Variants in SEMA5A observed in about 807,000 individuals in gnomAD.
SEMA5A encodes semaphorin-5A.
Under a neutral mutation model 135.5 loss-of-function variants are expected in SEMA5A, and 55 were observed. The observed-to-expected ratio is 0.41, with a 90% CI of 0.33 to 0.51. The LOEUF is 0.51. Ranked by LOEUF, SEMA5A falls within the 20% of genes least tolerant of loss-of-function variation. The probability of loss-of-function intolerance (pLI) is 0.37; values close to 1 mark genes in which losing one functional copy is unlikely to be tolerated. For missense variants in SEMA5A, 1,290 were observed against 1,419.9 expected, an observed-to-expected ratio of 0.91 and a Z score of 1.47; for synonymous variants, 580 against 546.5, an observed-to-expected ratio of 1.06 and a Z score of -0.85.
intron 3 of SEMA5A, among the ~76,000 whole-genome samples, chr5:9,361,713 T>C (rs1312187389): frequency 2.0e-5 from 3 of 152,224 alleles, no homozygotes; most frequent in African/African-American, 7.2e-5. Context: ...GTAATTGCTC[T>C]TTACCTATGT....
intron 3 of SEMA5A, among the ~76,000 whole-genome samples, chr5:9,350,621 T>C (rs1000412497): frequency 6.6e-6 from 1 of 152,242 alleles, no homozygotes; most frequent in African/African-American, 2.4e-5. Context: ...TCCATGCTTT[T>C]GTGATCAACC....
At chr5:9,249,100 C>T (rs550032234) in intron 5 of SEMA5A, among the ~76,000 whole-genome samples, 7 of 152,238 alleles carry the variant, frequency 4.6e-5, no homozygotes, top group Middle Eastern at 3.4e-3. Flanking sequence ...GCCCATTGTA[C>T]GAAATTGGAA....
chr5:9,427,822 C>T (rs1428809368), intron 2 of SEMA5A, among the ~76,000 whole-genome samples: 1 of 152,082 alleles, frequency 6.6e-6, no homozygotes, highest in African/African-American at 2.4e-5. Context: ...CCCTAATTTG[C>T]CACAAATTCA....
intron 6 of SEMA5A, among the ~76,000 whole-genome samples, chr5:9,233,473 T>C (rs993607035): frequency 2.6e-5 from 4 of 152,106 alleles, no homozygotes; most frequent in African/African-American, 9.7e-5. Flanking sequence ...CCCACTTTTT[T>C]TCCCCCATGG....
intron 3 of SEMA5A, among the ~76,000 whole-genome samples, chr5:9,350,414 G>T (rs922688886): frequency 6.6e-6 from 1 of 152,188 alleles, no homozygotes; most frequent in African/African-American, 2.4e-5. Flanking sequence ...TTGACTGGCT[G>T]CTGGGAAATA....
At chr5:9,050,389 T>A in intron 21 of SEMA5A, 21 bp downstream of exon 21, 1 of 1,599,288 alleles carries the variant, frequency 6.3e-7, no homozygotes, top group Non-Finnish European at 8.5e-7. Flanking sequence ...CCATTACAAC[T>A]ACTTAAAAGG....
At chr5:9,319,479 C>A (rs1209388670) in intron 4 of SEMA5A, among the ~76,000 whole-genome samples, 1 of 152,082 alleles carries the variant, frequency 6.6e-6, no homozygotes, top group Non-Finnish European at 1.5e-5. Flanking sequence ...TTACACTGGG[C>A]TTTGGACTCT....
chr5:9,437,024 G>A (rs1209459467), intron 2 of SEMA5A, among the ~76,000 whole-genome samples: 1 of 152,196 alleles, frequency 6.6e-6, no homozygotes, highest in Non-Finnish European at 1.5e-5. Flanking sequence ...CTGACCAGGA[G>A]GATCCCTGAG....
rs1479192185 is a variant in SEMA5A at position 9,035,513 on chromosome 5, G to A, written c.*7384C>T. The A allele has an allele frequency of 6.6e-6, 1 of 152,010 alleles. No homozygotes were observed. Among genetic ancestry groups the A allele is most frequent in the Non-Finnish European group, 1.5e-5 (1 of 68,022 alleles). 9.4% of individuals were successfully genotyped at this position (152,010 alleles called of 1,614,324 possible). ...TAATGAGTTTCCAGTTGCCACAATTGGTGTCTTAAGCTGATTTCAGAAAAC... is the reference window on the plus strand; with the variant it reads ...TAATGAGTTTCCAGTTGCCACAATTAGTGTCTTAAGCTGATTTCAGAAAAC... On this transcript the variant is annotated 3_prime_UTR_variant, in exon 23 of 23. Transcript: ENST00000382496.
At chr5:9,068,110 T>C (rs529438593) in intron 16 of SEMA5A, among the ~76,000 whole-genome samples, 2 of 152,352 alleles carry the variant, frequency 1.3e-5, no homozygotes, top group Admixed American at 1.3e-4. Context: ...TCTTTCTCTA[T>C]AGCTTCTGTA....
Position 9,180,820 on chromosome 5 carries a change from A to G in SEMA5A, c.1273+9447T>C, listed in dbSNP as rs142087436. Among the ~76,000 whole-genome samples, 317 of 152,332 alleles carry G rather than the reference A, an allele frequency of 2.1e-3. 6 individuals are homozygous for G. Among genetic ancestry groups the G allele is most frequent in the African/African-American group, 7.2e-3 (298 of 41,582 alleles). On this transcript the variant is annotated intron_variant, in intron 11 of 22. Coordinates refer to ENST00000382496, the MANE Select transcript of SEMA5A (RefSeq NM_003966.3). ...TTGCAGGGAGAAAAGAAAATTAGAAACAGAATTTTAGCATTTGTTGAGCTA... is the reference window on the plus strand; with the variant it reads ...TTGCAGGGAGAAAAGAAAATTAGAAGCAGAATTTTAGCATTTGTTGAGCTA...
rs1755598590 is a variant in SEMA5A, at chr5:9,381,338, G to T, written c.-77-1315C>A. Among the ~76,000 whole-genome samples, 4 of 152,190 alleles carry T rather than the reference G, an allele frequency of 2.6e-5. No homozygotes were observed. The South Asian group carries it at 8.3e-4, about 31-fold the overall frequency. ...CAAACATAGTACACAATAACTGTGG[G>T]TAATGGAAACTACGGCAAATTAGAG... On this transcript the variant is annotated intron_variant, in intron 2 of 22. Coordinates refer to ENST00000382496, the MANE Select transcript of SEMA5A (RefSeq NM_003966.3).
chr5:9,139,897 G>A (rs896825411), intron 12 of SEMA5A, among the ~76,000 whole-genome samples: 14 of 152,164 alleles, frequency 9.2e-5, no homozygotes, highest in Admixed American at 3.9e-4. Flanking sequence ...TTCTTCTAAG[G>A]TATCATTTTT....
chr5:9,053,797 T>A, intron 19 of SEMA5A: 1 of 279,556 alleles, frequency 3.6e-6, no homozygotes, highest in Non-Finnish European at 6.7e-6. Flanking sequence ...TTAGGGAGAT[T>A]GGGTGTTGTA....
chr5:9,462,985 TA>T lies in SEMA5A; in HGVS notation c.-174-25134del, dbSNP rs11422018. On this transcript the variant is annotated intron_variant, in intron 1 of 22. Transcript: ENST00000382496. ...GTATCCCTGAACTTAAAATAAAAGTTAAAAAAAAAAAAAAAGAATTTTCAAG... is the reference window on the plus strand; with the variant it reads ...GTATCCCTGAACTTAAAATAAAAGTTAAAAAAAAAAAAAAGAATTTTCAAG... 6.2e-3 allele frequency among the ~76,000 whole-genome samples: 789 copies of T among 127,038 alleles called. 1 individual carries two copies. Among genetic ancestry groups the T allele is most frequent in the African/African-American group, 9.0e-3 (303 of 33,508 alleles). 83.3% of individuals were successfully genotyped at this position (127,038 alleles called of 152,430 possible). A position where few individuals can be genotyped will look rare whatever the true frequency, so the allele number is the denominator to read the frequency against.
chr5:9,147,258 A>T (rs1452426965), intron 12 of SEMA5A, among the ~76,000 whole-genome samples: 1 of 152,174 alleles, frequency 6.6e-6, no homozygotes, highest in Non-Finnish European at 1.5e-5. Flanking sequence ...ATACCAGTTC[A>T]CTCAATAGAA....
chr5:9,189,998 T>A (rs1745010007), intron 11 of SEMA5A, among the ~76,000 whole-genome samples: 1 of 152,214 alleles, frequency 6.6e-6, no homozygotes, highest in Admixed American at 6.5e-5. Context: ...AGAAAAGACT[T>A]ATTTTATGAA....
chr5:9,332,872 G>T (rs1753219379), intron 4 of SEMA5A, among the ~76,000 whole-genome samples: 1 of 152,214 alleles, frequency 6.6e-6, no homozygotes. Flanking sequence ...ATCATTACCT[G>T]ATCCAAGTAT....
At chr5:9,318,241 C>G (rs1424538295) in intron 5 of SEMA5A, 131 bp downstream of exon 5, 1 of 761,884 alleles carries the variant, frequency 1.3e-6, no homozygotes, top group Non-Finnish European at 2.1e-6. Flanking sequence ...GTCCCGTGGC[C>G]TGACCTGCTG....
Sources: gnomAD v4.1 joint callset for allele counts (sites outside exome capture counted in the v4.1 genomes callset) on GRCh38, gnomAD v4.1.1 for gene constraint, MANE v1.5 for transcripts, NCBI Gene and HGNC (gene_info 2026-07-23, HGNC 2026-07-21) for gene names.